The following ADARB2 variants were observed in gnomAD, a reference collection of about 807,000 sequenced individuals.
The protein encoded by ADARB2 is inactive double-stranded RNA-specific editase B2.
Under a neutral mutation model 62.2 loss-of-function variants are expected in ADARB2, and 25 were observed. The observed-to-expected ratio is 0.40, with a 90% CI of 0.29 to 0.56. The LOEUF is 0.56. ADARB2 is among the 20% of genes least tolerant of loss of function. The pLI, the probability that ADARB2 is intolerant of heterozygous loss-of-function variation, is 0.43. For missense variants in ADARB2, 1,071 were observed against 1,077.4 expected, an observed-to-expected ratio of 0.99 and a Z score of 0.08; for synonymous variants, 572 against 500.8, an observed-to-expected ratio of 1.14 and a Z score of -1.90.
intron 3 of ADARB2, among the ~76,000 whole-genome samples, chr10:1,323,048 G>GT (rs146171362): frequency 0.016 from 2,409 of 152,160 alleles, 78 homozygotes; most frequent in African/African-American, 0.054. Context: ...TTAGTGGAAA[G>GT]TTTTTAAAAA....
chr10:1,393,139 G>C (rs1832584509), intron 1 of ADARB2, among the ~76,000 whole-genome samples: 1 of 152,190 alleles, frequency 6.6e-6, no homozygotes, highest in African/African-American at 2.4e-5. Flanking sequence ...AGCCAAATTT[G>C]AGCTATTGGT....
intron 3 of ADARB2, among the ~76,000 whole-genome samples, chr10:1,313,876 C>T (rs924993752): frequency 2.0e-5 from 3 of 152,222 alleles, no homozygotes; most frequent in African/African-American, 7.2e-5. Context: ...TCCCAGCGTC[C>T]TCCTGCAGCC....
At chr10:1,413,086 G>T (rs906688698) in intron 1 of ADARB2, among the ~76,000 whole-genome samples, 2 of 152,226 alleles carry the variant, frequency 1.3e-5, no homozygotes, top group Non-Finnish European at 2.9e-5. Flanking sequence ...GCAGAGCCCA[G>T]CCATGCATAC....
At chr10:1,421,319 G>A (rs189536137) in intron 1 of ADARB2, among the ~76,000 whole-genome samples, 1 of 151,878 alleles carries the variant, frequency 6.6e-6, no homozygotes, top group African/African-American at 2.4e-5. Context: ...CCCCACCCAC[G>A]CTCAGCTGTG....
chr10:1,625,849 T>C (rs1298124323), intron 1 of ADARB2, among the ~76,000 whole-genome samples: 1 of 73,786 alleles, frequency 1.4e-5, no homozygotes, highest in East Asian at 5.1e-4. Context: ...CCATGCCTCC[T>C]GCTCCTGCCC....
intron 1 of ADARB2, among the ~76,000 whole-genome samples, chr10:1,611,366 C>T (rs750205667): frequency 6.6e-6 from 1 of 152,234 alleles, no homozygotes; most frequent in Admixed American, 6.5e-5. Flanking sequence ...ATTTAAGACA[C>T]TAAGACAGTG....
intron 1 of ADARB2, among the ~76,000 whole-genome samples, chr10:1,431,267 A>G (rs1400567506): frequency 2.0e-5 from 3 of 152,250 alleles, no homozygotes; most frequent in African/African-American, 4.8e-5. Flanking sequence ...TAAACCAGAA[A>G]TCAATAATAG....
chr10:1,303,043 G>A (rs1813604958), intron 3 of ADARB2, among the ~76,000 whole-genome samples: 1 of 152,210 alleles, frequency 6.6e-6, no homozygotes, highest in South Asian at 2.1e-4. Flanking sequence ...ACTTTGACTA[G>A]CTGAGAGAAG....
At chr10:1,610,336 C>A (rs1264010581) in intron 1 of ADARB2, among the ~76,000 whole-genome samples, 1 of 152,198 alleles carries the variant, frequency 6.6e-6, no homozygotes, top group Non-Finnish European at 1.5e-5. Context: ...TTTCTCCTAG[C>A]CCAGACCCCA....
intron 1 of ADARB2, among the ~76,000 whole-genome samples, chr10:1,433,829 C>T (rs953482543): frequency 6.6e-6 from 1 of 152,142 alleles, no homozygotes; most frequent in Non-Finnish European, 1.5e-5. Flanking sequence ...TTAAATGATT[C>T]CTTCAGAAAT....
At chr10:1,421,978 C>A (rs11250506) in intron 1 of ADARB2, among the ~76,000 whole-genome samples, 14,294 of 152,280 alleles carry the variant, frequency 0.094, 1,113 homozygotes, top group African/African-American at 0.21. Context: ...GCCCCAGGTA[C>A]CTACTCTAGT....
At chr10:1,422,766 G>A (rs1161045882) in intron 1 of ADARB2, among the ~76,000 whole-genome samples, 1 of 152,212 alleles carries the variant, frequency 6.6e-6, no homozygotes, top group Non-Finnish European at 1.5e-5. Context: ...TGTATACACT[G>A]TGCAGACTGT....
chr10:1,675,702 G>C (rs891020988), intron 1 of ADARB2, among the ~76,000 whole-genome samples: 1 of 152,118 alleles, frequency 6.6e-6, no homozygotes, highest in Admixed American at 6.5e-5. Flanking sequence ...CTGGAGGTTT[G>C]GGTTCAGGGA....
chr10:1,311,970 C>T (rs953017321), intron 3 of ADARB2, among the ~76,000 whole-genome samples: 2 of 152,198 alleles, frequency 1.3e-5, no homozygotes, highest in African/African-American at 4.8e-5. Context: ...CCTCCTGGTA[C>T]CTGCGGACTC....
rs529164828 is a variant in ADARB2, at chr10:1,675,445, G to T, written c.100+61606C>A. On this transcript the variant is annotated intron_variant, in intron 1 of 9. Coordinates refer to ENST00000381312, the MANE Select transcript of ADARB2 (RefSeq NM_018702.4). ...GTGGATGTTCTGGAGGTTTGGGTTG[G>T]AGGTGCATGGATGTTCTGGAGGTTT... The T allele has an allele frequency of 1.5e-4, 151 of 982,494 alleles. No individual in the cohort carries two copies. The African/African-American group carries it at 2.4e-3, about 16-fold the overall frequency. The allele number at this position is 982,494 out of a possible 1,614,324, so 60.9% of individuals were successfully genotyped here. A position where few individuals can be genotyped will look rare whatever the true frequency, so the allele number is the denominator to read the frequency against.
intron 2 of ADARB2, among the ~76,000 whole-genome samples, chr10:1,364,204 G>A (rs1048283689): frequency 1.3e-5 from 2 of 152,202 alleles, no homozygotes; most frequent in African/African-American, 2.4e-5. Context: ...ACAGACAAGC[G>A]CCCCTGACTT....
At chr10:1,312,680 A>G (rs1242482015) in intron 3 of ADARB2, among the ~76,000 whole-genome samples, 1 of 152,206 alleles carries the variant, frequency 6.6e-6, no homozygotes, top group African/African-American at 2.4e-5. Context: ...AAAAAGACGC[A>G]GGGAGGTGAG....
chr10:1,683,752 T>C (rs1424381116), intron 1 of ADARB2, among the ~76,000 whole-genome samples: 1 of 152,232 alleles, frequency 6.6e-6, no homozygotes, highest in Non-Finnish European at 1.5e-5. Flanking sequence ...TCATGACTGT[T>C]TCTGAAGAAA....
intron 4 of ADARB2, among the ~76,000 whole-genome samples, chr10:1,254,191 G>T (rs967962169): frequency 2.8e-5 from 4 of 145,024 alleles, no homozygotes; most frequent in African/African-American, 1.1e-4. Context: ...CTGTGGTTAG[G>T]ATGTGGTGGG....
Sources: allele counts gnomAD v4.1 joint callset (sites outside exome capture counted in the v4.1 genomes callset), GRCh38; gene constraint gnomAD v4.1.1; transcripts MANE v1.5; gene names NCBI Gene and HGNC (gene_info 2026-07-23, HGNC 2026-07-21).